The following FUT8 variants were observed in gnomAD, a reference collection of about 807,000 sequenced individuals.
The protein encoded by FUT8 is alpha-(1,6)-fucosyltransferase.
Under a neutral mutation model 71.3 loss-of-function variants are expected in FUT8, and 29 were observed. The ratio of observed to expected loss-of-function variants is 0.41; its 90% CI spans 0.30 to 0.55. The LOEUF is 0.55. FUT8 is among the 20% of genes least tolerant of loss of function. The pLI, the probability that FUT8 is intolerant of heterozygous loss-of-function variation, is 0.34. For missense variants in FUT8, 544 were observed against 702.1 expected, an observed-to-expected ratio of 0.77 and a Z score of 2.55; for synonymous variants, 254 against 239.3, an observed-to-expected ratio of 1.06 and a Z score of -0.57.
rs116460678 is a variant in FUT8 at position 65,612,786 on chromosome 14, C to T, written c.204-3192C>T. 5.0e-3 allele frequency among the ~76,000 whole-genome samples: 754 copies of T among 152,280 alleles called. 8 individuals are homozygous for T. Among genetic ancestry groups the T allele is most frequent in the African/African-American group, 0.017 (715 of 41,550 alleles). On this transcript the variant is annotated intron_variant, in intron 3 of 10. Transcript: ENST00000673929. ...ATCACTGCCCTTTGTTGCCTGATTG[C>T]AATTTTATTAGATCATTGTTTAATA...
intron 1 of FUT8, among the ~76,000 whole-genome samples, chr14:65,439,631 A>G (rs1279662688): frequency 6.6e-6 from 1 of 152,084 alleles, no homozygotes; most frequent in African/African-American, 2.4e-5. Flanking sequence ...TATTCAAACA[A>G]ATTACTCATT....
At chr14:65,443,981 A>T (rs1272439632) in intron 1 of FUT8, among the ~76,000 whole-genome samples, 1 of 152,200 alleles carries the variant, frequency 6.6e-6, no homozygotes, top group Non-Finnish European at 1.5e-5. Context: ...TTTATAAAAA[A>T]TTTTAATTTA....
At chr14:65,521,422 A>G (rs1303951818) in intron 2 of FUT8, among the ~76,000 whole-genome samples, 1 of 152,208 alleles carries the variant, frequency 6.6e-6, no homozygotes, top group South Asian at 2.1e-4. Context: ...TCAGATGTTG[A>G]TAAGTGTTCT....
chr14:65,558,273 A>G (rs1885705417), intron 2 of FUT8, among the ~76,000 whole-genome samples: 1 of 145,476 alleles, frequency 6.9e-6, no homozygotes, highest in Non-Finnish European at 1.5e-5. Flanking sequence ...TGGAAGTTGT[A>G]GTGAGCCGAG....
chr14:65,480,080 A>G (rs1056488004), intron 2 of FUT8, among the ~76,000 whole-genome samples: 1 of 152,096 alleles, frequency 6.6e-6, no homozygotes, highest in Non-Finnish European at 1.5e-5. Flanking sequence ...GGATTTCTTG[A>G]CTATGGGTAA....
At chr14:65,653,899 G>A (rs1396801078) in intron 6 of FUT8, among the ~76,000 whole-genome samples, 1 of 152,130 alleles carries the variant, frequency 6.6e-6, no homozygotes, top group East Asian at 1.9e-4. Flanking sequence ...ACAACGAAGT[G>A]AGAAAAAGAC....
chr14:65,400,361 C>T, the FUT8 span, among the ~76,000 whole-genome samples: 1 of 152,090 alleles, frequency 6.6e-6, no homozygotes, highest in African/African-American at 2.4e-5. Context: ...AGTTGTTATC[C>T]AGAGCTATAC....
At chr14:65,386,878 G>A in the FUT8 span, among the ~76,000 whole-genome samples, 3 of 110,858 alleles carry the variant, frequency 2.7e-5, no homozygotes, top group Non-Finnish European at 5.0e-5. Flanking sequence ...GTCTCACTCT[G>A]TTGCCCAGGC....
At chr14:65,572,517 G>C (rs1448887508) in intron 3 of FUT8, among the ~76,000 whole-genome samples, 1 of 152,150 alleles carries the variant, frequency 6.6e-6, no homozygotes, top group African/African-American at 2.4e-5. Flanking sequence ...CGTTGGTATG[G>C]TGGCTCTAAA....
intron 2 of FUT8, among the ~76,000 whole-genome samples, chr14:65,535,729 T>C (rs1884261467): frequency 6.6e-6 from 1 of 152,206 alleles, no homozygotes; most frequent in South Asian, 2.1e-4. Flanking sequence ...GTATGTGCCA[T>C]GTGCAGATGA....
At position 65,483,398 on chromosome 14, in the gene FUT8, T is replaced by C. The variant is rs967597075; in HGVS notation, c.-228+27680T>C. Among the ~76,000 whole-genome samples the C allele has an allele frequency of 6.6e-6, 1 of 152,234 alleles. No individual in the cohort carries two copies. The highest frequency in any genetic ancestry group is 1.5e-5 in the Non-Finnish European group (1 of 68,036). ...ATGTTAAATAGTTAGTGATCCTTTT[T>C]ATTAAGCTTTCACTTTTCAAATTAC... On this transcript the variant is annotated intron_variant, in intron 2 of 10. Coordinates refer to ENST00000673929, the MANE Select transcript of FUT8 (RefSeq NM_001371533.1). The surrounding 1 kb of genome is among the most constrained non-coding windows in gnomAD (Gnocchi z 4.4).
chr14:65,612,798 A>G (rs908029500), intron 3 of FUT8, among the ~76,000 whole-genome samples: 4 of 152,096 alleles, frequency 2.6e-5, no homozygotes, highest in African/African-American at 7.2e-5. Flanking sequence ...ATTTTATTAG[A>G]TCATTGTTTA....
At chr14:65,576,160 A>G (rs1886765161) in intron 3 of FUT8, among the ~76,000 whole-genome samples, 1 of 152,256 alleles carries the variant, frequency 6.6e-6, no homozygotes, top group Admixed American at 6.5e-5. Flanking sequence ...TGGCCGTGGG[A>G]CAAGTCTACC....
At chr14:65,460,637 CACT>C (rs1308827760) in intron 2 of FUT8, among the ~76,000 whole-genome samples, 1 of 152,144 alleles carries the variant, frequency 6.6e-6, no homozygotes, top group African/African-American at 2.4e-5. Context: ...TTACCAGCTA[CACT>C]ACTAACACAT....
Position 65,677,151 on chromosome 14 carries a change from T to TGTGTGCGCGC in FUT8, c.835+7672_835+7673insTGTGCGCGCG. ...GTGTGTGTGTGTGTGTGTGTGTGTG[T>TGTGTGCGCGC]GCGCGCGCGCATGCGCGCGCACGTA... On this transcript the variant is annotated intron_variant, in intron 7 of 10. Transcript: ENST00000673929. Among the ~76,000 whole-genome samples, 417 of 110,714 alleles carry TGTGTGCGCGC rather than the reference T, an allele frequency of 3.8e-3. 1 individual carries two copies. Among genetic ancestry groups the TGTGTGCGCGC allele is most frequent in the Middle Eastern group, 9.9e-3 (2 of 202 alleles). The allele number at this position is 110,714 out of a possible 152,430, so 72.6% of individuals were successfully genotyped here.
intron 2 of FUT8, among the ~76,000 whole-genome samples, chr14:65,462,093 T>C (rs1428997538): frequency 6.6e-6 from 1 of 152,230 alleles, no homozygotes; most frequent in Admixed American, 6.5e-5. Flanking sequence ...AAGACATTTC[T>C]AGTTCTCACA....
intron 7 of FUT8, among the ~76,000 whole-genome samples, chr14:65,696,037 TTC>T (rs1380037107): frequency 6.6e-6 from 1 of 152,128 alleles, no homozygotes; most frequent in Non-Finnish European, 1.5e-5. Flanking sequence ...TATTCCTAAT[TTC>T]TCTCTCCCAT....
At chr14:65,573,158 A>G (rs1263353342) in intron 3 of FUT8, among the ~76,000 whole-genome samples, 2 of 152,122 alleles carry the variant, frequency 1.3e-5, no homozygotes, top group Admixed American at 1.3e-4. Flanking sequence ...TATTTATAGT[A>G]TCAGCTAGAA....
At chr14:65,614,949 G>A (rs1889205580) in intron 3 of FUT8, among the ~76,000 whole-genome samples, 1 of 152,118 alleles carries the variant, frequency 6.6e-6, no homozygotes, top group Admixed American at 6.5e-5. Flanking sequence ...AACAAAACAG[G>A]AACAAGCACA....
Sources: allele counts gnomAD v4.1 joint callset (sites outside exome capture counted in the v4.1 genomes callset), GRCh38; gene constraint gnomAD v4.1.1; non-coding constraint Gnocchi (gnomAD v3.1); transcripts MANE v1.5; gene names NCBI Gene and HGNC (gene_info 2026-07-23, HGNC 2026-07-21).